The following LRRC37A2 variants were observed in gnomAD, a reference collection of about 807,000 sequenced individuals.
LRRC37A2 encodes leucine-rich repeat-containing protein 37A2.
In LRRC37A2, 9 loss-of-function variants were observed where a neutral mutation model predicts 68.8. The ratio of observed to expected loss-of-function variants is 0.13; its 90% CI spans 0.08 to 0.23. The LOEUF is 0.23. Ranked by LOEUF, LRRC37A2 falls within the 10% of genes least tolerant of loss-of-function variation. The pLI is 1.00. For synonymous variants in LRRC37A2, 63 were observed against 367.6 expected (o/e 0.17, Z 9.48); for missense variants, 168 against 950.4 (o/e 0.18, Z 10.82).
the LRRC37A2 span, among the ~76,000 whole-genome samples, chr17:46,749,161 G>GA: frequency 2.0e-5 from 3 of 152,168 alleles, no homozygotes; most frequent in Non-Finnish European, 2.9e-5. Flanking sequence ...CAAGAGAATT[G>GA]AAAATGGTTG....
chr17:46,878,241 C>T, the LRRC37A2 span, among the ~76,000 whole-genome samples: 1 of 152,246 alleles, frequency 6.6e-6, no homozygotes, highest in Non-Finnish European at 1.5e-5. Flanking sequence ...CTGTCAGCTT[C>T]CTTTCTCCCT....
At chr17:46,872,222 A>G in the LRRC37A2 span, among the ~76,000 whole-genome samples, 6 of 152,206 alleles carry the variant, frequency 3.9e-5, no homozygotes, top group Non-Finnish European at 8.8e-5. Context: ...GGGAAAGCGT[A>G]TTTTTAATAA....
At chr17:46,548,978 C>G (rs1297493527) in exon 10 of LRRC37A2, 1 of 1,612,452 alleles carries the variant, frequency 6.2e-7, no homozygotes, top group Admixed American at 1.7e-5. Context: ...CACGCTATTT[C>G]CATTTTAGAA....
At chr17:46,799,046 CAA>C in the LRRC37A2 span, among the ~76,000 whole-genome samples, 1,491 of 93,180 alleles carry the variant, frequency 0.016, 10 homozygotes, top group East Asian at 0.024. Context: ...GACTCCGTCT[CAA>C]AAAAAAAAAA....
the LRRC37A2 span, among the ~76,000 whole-genome samples, chr17:46,789,615 G>A: frequency 6.6e-6 from 1 of 152,232 alleles, no homozygotes; most frequent in African/African-American, 2.4e-5. Context: ...ACAAGGGACA[G>A]AGGAACAAAC....
chr17:47,018,744 G>A, the LRRC37A2 span: 105 of 1,520,728 alleles, frequency 6.9e-5, no homozygotes, highest in Middle Eastern at 5.7e-4. Context: ...CCATCAGGAG[G>A]CCCCAGCTCA....
At chr17:46,502,848 A>G in the LRRC37A2 span, among the ~76,000 whole-genome samples, 1 of 150,872 alleles carries the variant, frequency 6.6e-6, no homozygotes, top group Non-Finnish European at 1.5e-5. Flanking sequence ...GAAGTTTCCT[A>G]GATGTTCCGA....
chr17:46,977,698 G>T, the LRRC37A2 span, among the ~76,000 whole-genome samples: 81 of 152,314 alleles, frequency 5.3e-4, 4 homozygotes, highest in South Asian at 0.016. Context: ...GCAACAAGGG[G>T]GTTTCTTCCG....
the LRRC37A2 span, among the ~76,000 whole-genome samples, chr17:46,864,428 A>G: frequency 3.3e-5 from 5 of 152,164 alleles, no homozygotes; most frequent in African/African-American, 1.2e-4. Context: ...CTGGTATTGT[A>G]TCAGACTCTC....
chr17:46,880,092 C>T, the LRRC37A2 span, among the ~76,000 whole-genome samples: 1 of 152,250 alleles, frequency 6.6e-6, no homozygotes, highest in Non-Finnish European at 1.5e-5. Flanking sequence ...ACTGGGCCTG[C>T]ATGTCCTCCT....
the LRRC37A2 span, among the ~76,000 whole-genome samples, chr17:46,716,561 C>T: frequency 6.6e-6 from 1 of 151,994 alleles, no homozygotes; most frequent in Non-Finnish European, 1.5e-5. Context: ...CCGGCCTGCA[C>T]CTCCATTTTT....
chr17:46,837,157 G>T, the LRRC37A2 span, among the ~76,000 whole-genome samples: 9 of 152,292 alleles, frequency 5.9e-5, no homozygotes, highest in South Asian at 1.7e-3. Flanking sequence ...TGGCCAGGCT[G>T]GTCTTGATCT....
chr17:46,796,702 G>A, the LRRC37A2 span, among the ~76,000 whole-genome samples: 2 of 152,214 alleles, frequency 1.3e-5, no homozygotes, highest in Non-Finnish European at 2.9e-5. Flanking sequence ...CAGACAGCCC[G>A]GGTGTCCCCT....
chr17:46,808,627 T>C, the LRRC37A2 span, among the ~76,000 whole-genome samples: 1 of 152,134 alleles, frequency 6.6e-6, no homozygotes, highest in Non-Finnish European at 1.5e-5. Context: ...TGCATGGGGA[T>C]CAGCACATAG....
the LRRC37A2 span, among the ~76,000 whole-genome samples, chr17:46,999,825 C>G: frequency 6.6e-6 from 1 of 150,826 alleles, no homozygotes; most frequent in Non-Finnish European, 1.5e-5. Flanking sequence ...ATAGTGGAAC[C>G]CCTTCTCTAC....
chr17:46,493,522 CTTTTA>C, the LRRC37A2 span, among the ~76,000 whole-genome samples: 1 of 119,244 alleles, frequency 8.4e-6, no homozygotes. Flanking sequence ...TGTTATTCTT[CTTTTA>C]TTTTATTTTA....
the LRRC37A2 span, among the ~76,000 whole-genome samples, chr17:46,973,543 A>G: frequency 6.6e-6 from 1 of 152,092 alleles, no homozygotes; most frequent in African/African-American, 2.4e-5. Flanking sequence ...ACTGGAGTGC[A>G]CTTATCATGG....
At chr17:46,716,975 A>T in the LRRC37A2 span, among the ~76,000 whole-genome samples, 1 of 152,202 alleles carries the variant, frequency 6.6e-6, no homozygotes, top group Admixed American at 6.5e-5. Flanking sequence ...TTTTTGTTGG[A>T]CAATTAGGTT....
chr17:46,848,035 C>T, the LRRC37A2 span, among the ~76,000 whole-genome samples: 4 of 151,942 alleles, frequency 2.6e-5, no homozygotes, highest in African/African-American at 9.7e-5. Context: ...AGGGCTCCAG[C>T]CCTGAGCGCT....
Sources: gnomAD v4.1 joint callset for allele counts (sites outside exome capture counted in the v4.1 genomes callset) on GRCh38, gnomAD v4.1.1 for gene constraint, MANE v1.5 for transcripts, NCBI Gene and HGNC (gene_info 2026-07-23, HGNC 2026-07-21) for gene names.